Variants in GLRA3 observed in about 807,000 individuals in gnomAD.
GLRA3 encodes glycine receptor subunit alpha-3.
Under a neutral mutation model 60.4 loss-of-function variants are expected in GLRA3, and 44 were observed. The ratio of observed to expected loss-of-function variants is 0.73; its 90% CI spans 0.57 to 0.94. The LOEUF (loss-of-function observed/expected upper bound fraction) is 0.94, where lower values mean the gene tolerates loss of function less well. GLRA3 is among the 40% of genes least tolerant of loss of function. GLRA3 has a pLI of 0.00. For synonymous variants in GLRA3, 223 were observed against 192.9 expected (o/e 1.16, Z -1.29); for missense variants, 508 against 564.6 (o/e 0.90, Z 1.02).
intron 2 of GLRA3, among the ~76,000 whole-genome samples, chr4:174,769,380 T>C (rs144881947): frequency 2.8e-4 from 43 of 152,226 alleles, no homozygotes; most frequent in Middle Eastern, 3.4e-3. Flanking sequence ...AGCCAAACAA[T>C]AGAATATGTT....
Position 174,643,909 on chromosome 4 carries a change from C to G in GLRA3, c.1272G>C (p.Arg424=), listed in dbSNP as rs201290451. 4.8e-5 allele frequency: 78 copies of G among 1,614,042 alleles called. No individual in the cohort carries two copies. The Admixed American group carries it at 7.5e-4, about 16-fold the overall frequency. The change falls in exon 10 of 10, where the codon CGG becomes CGC. Residue 424 remains arginine, a synonymous_variant. Coordinates refer to ENST00000274093, the MANE Select transcript of GLRA3 (RefSeq NM_006529.4). ...GGGAGATGGTATCAATCTTCTTGGC[C>G]CGGTCGATAAAGACCTTCCTCATTT... ...PDEMRKVFID[R]AKKIDTISRA...
In GLRA3 at chr4:174,719,485, A is replaced by C. The variant is rs576588728; in HGVS notation, c.492-3915T>G. 2.6e-5 allele frequency among the ~76,000 whole-genome samples: 4 copies of C among 152,322 alleles called. No homozygotes were observed. The East Asian group carries it at 7.7e-4, about 29-fold the overall frequency. ...AAATAATTTTTATAAAAACCTACAT[A>C]AATAATTCTTCCAAAAGAAATCAGA... On this transcript the variant is annotated intron_variant, in intron 4 of 9. Transcript: ENST00000274093.
chr4:174,737,803 T>G (rs1280649005), intron 3 of GLRA3, among the ~76,000 whole-genome samples: 3 of 152,204 alleles, frequency 2.0e-5, no homozygotes, highest in African/African-American at 7.2e-5. Flanking sequence ...TGAGCCACGG[T>G]GCCCAGCCAA....
intron 4 of GLRA3, among the ~76,000 whole-genome samples, chr4:174,721,827 ATATATG>A: frequency 1.3e-5 from 2 of 151,548 alleles, no homozygotes; most frequent in African/African-American, 4.9e-5. Context: ...GTGTGTGTAT[ATATATG>A]TGTGTGTATA....
At chr4:174,782,776 T>G (rs2111284605) in intron 2 of GLRA3, among the ~76,000 whole-genome samples, 1 of 152,070 alleles carries the variant, frequency 6.6e-6, no homozygotes, top group African/African-American at 2.4e-5. Context: ...GTGAAGGACC[T>G]CTTCAAGGAG....
chr4:174,652,976 T>C (rs1402680921), intron 9 of GLRA3, among the ~76,000 whole-genome samples: 2 of 152,126 alleles, frequency 1.3e-5, no homozygotes, highest in African/African-American at 2.4e-5. Flanking sequence ...CTGTAAGATA[T>C]AACAGCATTA....
chr4:174,757,285 AC>A (rs1579559733), intron 3 of GLRA3, among the ~76,000 whole-genome samples: 2 of 152,134 alleles, frequency 1.3e-5, no homozygotes, highest in East Asian at 3.9e-4. Context: ...ACACACACAC[AC>A]ACACACACAC....
chr4:174,742,424 T>G (rs879453972), intron 3 of GLRA3, among the ~76,000 whole-genome samples: 1 of 152,124 alleles, frequency 6.6e-6, no homozygotes, highest in African/African-American at 2.4e-5. Context: ...AGCAAGCAAT[T>G]TAGTCTTAAT....
At chr4:174,745,498 G>A (rs944676285) in intron 3 of GLRA3, among the ~76,000 whole-genome samples, 3 of 152,264 alleles carry the variant, frequency 2.0e-5, no homozygotes, top group South Asian at 2.1e-4. Context: ...TACTTACTAT[G>A]TATTTTCATA....
intron 7 of GLRA3, among the ~76,000 whole-genome samples, chr4:174,667,880 C>A (rs28481470): frequency 0.09 from 13,699 of 152,034 alleles, 914 homozygotes; most frequent in African/African-American, 0.17. Context: ...GCTCTTTGAT[C>A]CTGATATGGT....
chr4:174,689,807 T>C (rs1323980599), intron 5 of GLRA3, among the ~76,000 whole-genome samples: 1 of 131,570 alleles, frequency 7.6e-6, no homozygotes, highest in Non-Finnish European at 1.6e-5. Context: ...TGGTATGCTG[T>C]CTTCAAGAGA....
chr4:174,752,207 G>C (rs1246264495), intron 3 of GLRA3, among the ~76,000 whole-genome samples: 1 of 152,030 alleles, frequency 6.6e-6, no homozygotes, highest in Admixed American at 6.6e-5. Flanking sequence ...TACGATGTAG[G>C]GTATATTAGC....
At chr4:174,694,581 A>T (rs1039433643) in intron 5 of GLRA3, among the ~76,000 whole-genome samples, 46 of 152,230 alleles carry the variant, frequency 3.0e-4, no homozygotes, top group Admixed American at 2.6e-3. Context: ...GACACAGCTA[A>T]GGCAGTGTTA....
At chr4:174,692,222 G>T (rs1190321157) in intron 5 of GLRA3, among the ~76,000 whole-genome samples, 1 of 150,802 alleles carries the variant, frequency 6.6e-6, no homozygotes, top group Non-Finnish European at 1.5e-5. Context: ...GAGGGAGGTG[G>T]GGGTCAGCCC....
chr4:174,714,895 C>A (rs1022065907), intron 5 of GLRA3, among the ~76,000 whole-genome samples: 1 of 152,088 alleles, frequency 6.6e-6, no homozygotes, highest in Non-Finnish European at 1.5e-5. Flanking sequence ...TAGAGGAATA[C>A]CTGAAAGCTT....
rs1318963226 is a variant in GLRA3, at chr4:174,659,155, G to A, written c.970C>T (p.Leu324Phe). ...KAIDIWMAVC[L>F]LFVFSALLEY... ...AGAAGTGCTGAAAACACAAAAAGGA[G>A]GCATACTGCCATCCAAATATCAATA... The change falls in exon 8 of 10, where the codon CTC becomes TTC. Residue 324 changes from leucine to phenylalanine, a missense_variant. Around this residue, in one of 3 missense-constraint regions of GLRA3, gnomAD observed 176 missense variants for 197.9 expected, o/e 0.89. Coordinates refer to ENST00000274093, the MANE Select transcript of GLRA3 (RefSeq NM_006529.4). 6.2e-7 allele frequency: 1 copy of A among 1,611,282 alleles called. No individual in the cohort carries two copies. The highest frequency in any genetic ancestry group is 1.1e-5 in the South Asian group (1 of 90,978).
At chr4:174,660,609 T>C (rs1733397376) in intron 7 of GLRA3, among the ~76,000 whole-genome samples, 1 of 152,236 alleles carries the variant, frequency 6.6e-6, no homozygotes, top group South Asian at 2.1e-4. Context: ...GCTATATAAG[T>C]ATTCTGTTAC....
At chr4:174,796,531 C>CCTTT (rs1005048446) in intron 1 of GLRA3, among the ~76,000 whole-genome samples, 14 of 151,770 alleles carry the variant, frequency 9.2e-5, no homozygotes, top group Admixed American at 7.9e-4. Context: ...ATAGTCTATC[C>CCTTT]CTTTCTTTCT....
chr4:174,752,456 A>T (rs1737525500), intron 3 of GLRA3, among the ~76,000 whole-genome samples: 1 of 152,172 alleles, frequency 6.6e-6, no homozygotes, highest in Non-Finnish European at 1.5e-5. Flanking sequence ...GAGAGACTGG[A>T]AGTGAAACAA....
Sources: gnomAD v4.1 joint callset for allele counts (sites outside exome capture counted in the v4.1 genomes callset) on GRCh38, gnomAD v4.1.1 for gene constraint, gnomAD v4.1.1 regional missense constraint, MANE v1.5 for transcripts, NCBI Gene and HGNC (gene_info 2026-07-23, HGNC 2026-07-21) for gene names.